HERC2: variants seen among roughly 807,000 people sequenced by gnomAD.
HERC2 encodes the protein E3 ubiquitin-protein ligase HERC2.
HERC2 carries 102 observed loss-of-function variants against 537.7 expected under a neutral mutation model. The observed-to-expected ratio is 0.19, with a 90% CI of 0.16 to 0.22. The LOEUF (loss-of-function observed/expected upper bound fraction) is 0.22. HERC2 is among the 10% of genes least tolerant of loss of function. The pLI is 1.00. For missense variants in HERC2, 4,236 were observed against 6,198.2 expected, an observed-to-expected ratio of 0.68 and a Z score of 10.63; for synonymous variants, 2,224 against 2,466.2, an observed-to-expected ratio of 0.90 and a Z score of 2.91.
chr15:28,201,460 A>G lies in HERC2; in HGVS notation c.7712T>C (p.Ile2571Thr). The G allele has an allele frequency of 6.3e-7, 1 of 1,583,444 alleles. No homozygotes were observed. Among genetic ancestry groups the G allele is most frequent in the Non-Finnish European group, 8.7e-7 (1 of 1,152,352 alleles). ...DDYAVYVREN[I>T]QVGMMVRCCR... ...CAGCTTAAGACAATTACTCACCTGAATATTCTCTCTCACATATACAGCATA... is the reference window on the plus strand; with the variant it reads ...CAGCTTAAGACAATTACTCACCTGAGTATTCTCTCTCACATATACAGCATA... The change falls in exon 48 of 93, where the codon ATT becomes ACT. Residue 2571 changes from isoleucine to threonine, a missense_variant. Around this residue, in one of 27 missense-constraint regions of HERC2, gnomAD observed 606 missense variants for 884.5 expected, o/e 0.69. Transcript: ENST00000261609.
intron 4 of HERC2, among the ~76,000 whole-genome samples, chr15:28,287,079 AT>A (rs1233666312): frequency 6.6e-6 from 1 of 152,186 alleles, no homozygotes; most frequent in African/African-American, 2.4e-5. Context: ...TTTCTGTATA[AT>A]TTTTTTCATA....
chr15:28,139,456 G>T (rs1202716705), intron 78 of HERC2, among the ~76,000 whole-genome samples: 1 of 152,222 alleles, frequency 6.6e-6, no homozygotes, highest in African/African-American at 2.4e-5. Context: ...TCAGCCCAAA[G>T]TTCCATGAGG....
intron 78 of HERC2, among the ~76,000 whole-genome samples, chr15:28,136,397 C>T (rs550846254): frequency 5.6e-4 from 85 of 152,300 alleles, no homozygotes; most frequent in African/African-American, 2.0e-3. Flanking sequence ...AAATGAGCCC[C>T]ACCCCCAAAG....
At position 28,265,692 on chromosome 15, in the gene HERC2, C is replaced by T. The variant is rs1281912236; in HGVS notation, c.1796G>A (p.Gly599Glu). 6.2e-7 allele frequency: 1 copy of T among 1,614,086 alleles called. No homozygotes were observed. The highest frequency in any genetic ancestry group is 1.1e-5 in the South Asian group (1 of 91,088). ...EDEAIPMLVA[G>E]LKGLKVIDVA... ...ATCGATGACCTTCAGTCCTTTAAGC[C>T]CGGCTACCAGCATCGGAATGGCCTC... Residue 599 changes from glycine (G) to glutamate (E), a missense_variant, in exon 14 of 93, where the codon GGG becomes GAG. By Grantham distance (98) the Gly-to-Glu change is moderately conservative (BLOSUM62 -2). This residue lies in a region of HERC2 where 754 missense variants were observed against 1,085.0 expected (regional missense o/e 0.69). Transcript: ENST00000261609. This position sits in a 1 kb window ranked among gnomAD's most constrained non-coding sequence, Gnocchi z 4.0.
chr15:28,133,539 CTCA>C (rs1890317066), intron 79 of HERC2, among the ~76,000 whole-genome samples: 1 of 152,140 alleles, frequency 6.6e-6, no homozygotes. Flanking sequence ...CAAAAATTTT[CTCA>C]TGTTTTCTTC....
Position 28,265,793 on chromosome 15 carries a change from CCCA to C in HERC2, c.1756+21_1756+23del. 6.2e-7 allele frequency: 1 copy of C among 1,613,968 alleles called. No homozygotes were observed. The highest frequency in any genetic ancestry group is 8.5e-7 in the Non-Finnish European group (1 of 1,179,834). ...AAGAGGCCACCTCCTGCTGCATGCT[CCCA>C]CTCATGCAGAGCAGACGTACCATGG... On this transcript the variant is annotated intron_variant, in intron 13 of 92. Coordinates refer to ENST00000261609, the MANE Select transcript of HERC2 (RefSeq NM_004667.6). This position sits in a 1 kb window ranked among gnomAD's most constrained non-coding sequence, Gnocchi z 4.0.
chr15:28,212,448 C>A lies in HERC2; in HGVS notation c.6922G>T (p.Ala2308Ser). Residue 2308 changes from alanine to serine, a missense_variant, in exon 43 of 93, where the codon GCA (alanine) becomes TCA (serine). Ala to Ser is a moderately conservative substitution (Grantham distance 99, BLOSUM62 1). Transcript: ENST00000261609. ...TCAAGAAGCACCATGTACTGACCTG[C>A]AAAGGCCTGTTTAGTCGATTTCTTT... Reference protein sequence around the residue: ...KIKKSTKQAFAGQVDLDLLRC... With the variant: ...KIKKSTKQAFSGQVDLDLLRC... The A allele has an allele frequency of 1.2e-6, 2 of 1,611,062 alleles. No individual in the cohort carries two copies. Among genetic ancestry groups the A allele is most frequent in the Non-Finnish European group, 1.7e-6 (2 of 1,179,236 alleles).
rs78406210 is a variant in HERC2 at position 28,295,544 on chromosome 15, G to A, written c.188-2522C>T. On this transcript the variant is annotated intron_variant, in intron 3 of 92. Transcript: ENST00000261609. ...CCCCCAAGGAGCTGGGATTACAGGC[G>A]TGCATCACCATGCCCAGCTAATTTT... Among the ~76,000 whole-genome samples the A allele has an allele frequency of 8.9e-4, 136 of 152,162 alleles. No homozygotes were observed. The East Asian group carries it at 0.019, about 21-fold the overall frequency.
chr15:28,273,825 A>G (rs191611146), intron 7 of HERC2, among the ~76,000 whole-genome samples: 83 of 152,338 alleles, frequency 5.4e-4, no homozygotes, highest in African/African-American at 1.9e-3. Flanking sequence ...ACCAGAGTTC[A>G]TGTTTTTCTT....
At chr15:28,275,029 T>C (rs1188267774) in intron 5 of HERC2, 24 bp from the exon 6 acceptor site, 1 of 1,507,046 alleles carries the variant, frequency 6.6e-7, no homozygotes, top group Non-Finnish European at 9.1e-7. Context: ...ACACGGAACA[T>C]ACAACCAGTC....
chr15:28,317,335 C>T (rs867316065), intron 2 of HERC2, among the ~76,000 whole-genome samples: 2 of 152,316 alleles, frequency 1.3e-5, no homozygotes, highest in Middle Eastern at 3.4e-3. Flanking sequence ...GTGATCCGCC[C>T]TCCTCGGCCT....
In HERC2 at chr15:28,233,653, G is replaced by A. The variant is rs72714147; in HGVS notation, c.4351+11C>T. ...AGTGTACCTAAAGTACACAGATATC[G>A]AGCTCCTTACCTAAATCTTCATGTT... On this transcript the variant is annotated intron_variant, in intron 28 of 92. Coordinates refer to ENST00000261609, the MANE Select transcript of HERC2 (RefSeq NM_004667.6). The A allele has an allele frequency of 0.099, 160,521 of 1,613,492 alleles. 11,477 individuals carry two copies. The highest frequency in any genetic ancestry group is 0.3 in the East Asian group (13,276 of 44,864).
At chr15:28,193,724 C>T (rs1897070727) in intron 52 of HERC2, among the ~76,000 whole-genome samples, 1 of 152,134 alleles carries the variant, frequency 6.6e-6, no homozygotes, top group South Asian at 2.1e-4. Flanking sequence ...AAATGAACCA[C>T]AATTAGACTT....
Position 28,190,953 on chromosome 15 carries a change from A to G in HERC2, c.8649+12T>C. Reference sequence around the variant, plus strand: ...TAAATCATCCAAATGGAACACTAGCATAGCTACTTACCTCTGTGCAGTCAT... The same window carrying G: ...TAAATCATCCAAATGGAACACTAGCGTAGCTACTTACCTCTGTGCAGTCAT... On this transcript the variant is annotated intron_variant, in intron 55 of 92. Transcript: ENST00000261609. The G allele has an allele frequency of 1.3e-6, 2 of 1,560,858 alleles. No individual in the cohort carries two copies. The highest frequency in any genetic ancestry group is 1.8e-6 in the Non-Finnish European group (2 of 1,131,434).
At chr15:28,179,650 C>T (rs1463493534) in intron 57 of HERC2, among the ~76,000 whole-genome samples, 7 of 152,156 alleles carry the variant, frequency 4.6e-5, no homozygotes, top group East Asian at 1.9e-4. Flanking sequence ...AAAAAGCCTG[C>T]GGCTGGTGCT....
At chr15:28,259,356 AC>A (rs1468415623) in intron 16 of HERC2, among the ~76,000 whole-genome samples, 8 of 152,234 alleles carry the variant, frequency 5.3e-5, no homozygotes, top group Non-Finnish European at 4.4e-5. Context: ...CGGCCTCCCA[AC>A]GTGCTGGGAT....
At chr15:28,118,836 T>G (rs543810511) in intron 86 of HERC2, among the ~76,000 whole-genome samples, 2 of 152,338 alleles carry the variant, frequency 1.3e-5, no homozygotes, top group South Asian at 4.1e-4. Flanking sequence ...TGTAGAAAAT[T>G]TCCTCGCTTT....
chr15:28,149,207 G>A (rs1013821762), intron 70 of HERC2, among the ~76,000 whole-genome samples: 38 of 144,228 alleles, frequency 2.6e-4, no homozygotes, highest in African/African-American at 8.8e-4. Flanking sequence ...AAAAATTACC[G>A]AAAAATACAC....
chr15:28,175,443 G>C (rs1021006210), intron 64 of HERC2, 69 bp downstream of exon 64: 1 of 1,418,176 alleles, frequency 7.1e-7, no homozygotes, highest in South Asian at 1.2e-5. Flanking sequence ...CAGGACGAAG[G>C]CCGTGTCATG....
Sources: allele counts gnomAD v4.1 joint callset (sites outside exome capture counted in the v4.1 genomes callset), GRCh38; gene constraint gnomAD v4.1.1; regional missense constraint gnomAD v4.1.1; non-coding constraint Gnocchi (gnomAD v3.1); transcripts MANE v1.5; gene names NCBI Gene and HGNC (gene_info 2026-07-23, HGNC 2026-07-21).